The following CNBD1 variants were observed in gnomAD, a reference collection of about 807,000 sequenced individuals.
CNBD1 encodes cyclic nucleotide binding domain containing 1, also known as cyclic nucleotide-binding domain-containing protein 1.
A neutral mutation model predicts 54.4 loss-of-function variants in CNBD1; 71 were observed. The observed-to-expected ratio is 1.30, with a 90% CI of 1.08 to 1.59. The LOEUF (loss-of-function observed/expected upper bound fraction) is 1.59, where lower values mean the gene tolerates loss of function less well. Ranked by LOEUF, CNBD1 falls within the 40% of genes most tolerant of loss-of-function variation. CNBD1 has a pLI of 0.00. For synonymous variants in CNBD1, 182 were observed against 170.7 expected (o/e 1.07, Z -0.51); for missense variants, 659 against 518.0 (o/e 1.27, Z -2.64).
At chr8:87,348,293 A>G (rs950890052) in intron 8 of CNBD1, among the ~76,000 whole-genome samples, 1 of 152,184 alleles carries the variant, frequency 6.6e-6, no homozygotes, top group Non-Finnish European at 1.5e-5. Flanking sequence ...TACATTTTTA[A>G]TAATAAAGAA....
chr8:87,277,222 G>T (rs7845383), intron 6 of CNBD1, among the ~76,000 whole-genome samples: 35,613 of 151,480 alleles, frequency 0.24, 4,325 homozygotes, highest in South Asian at 0.28. Context: ...TATAGAGCCA[G>T]AAAGAGCTAA....
At chr8:86,880,580 A>G (rs1808592792) in intron 1 of CNBD1, among the ~76,000 whole-genome samples, 1 of 152,174 alleles carries the variant, frequency 6.6e-6, no homozygotes, top group African/African-American at 2.4e-5. Flanking sequence ...CCAACACCCC[A>G]TGGATATTGA....
At chr8:86,919,603 T>C (rs1809240074) in intron 3 of CNBD1, among the ~76,000 whole-genome samples, 1 of 152,216 alleles carries the variant, frequency 6.6e-6, no homozygotes, top group Non-Finnish European at 1.5e-5. Flanking sequence ...TCTGTTTGTT[T>C]ACACACAAAG....
chr8:87,161,495 A>T (rs1812856916), intron 4 of CNBD1, among the ~76,000 whole-genome samples: 1 of 152,156 alleles, frequency 6.6e-6, no homozygotes, highest in African/African-American at 2.4e-5. Flanking sequence ...TAATAAAATT[A>T]TAAAATATGG....
At chr8:86,942,792 G>A (rs1563831194) in intron 4 of CNBD1, among the ~76,000 whole-genome samples, 1 of 152,152 alleles carries the variant, frequency 6.6e-6, no homozygotes, top group Non-Finnish European at 1.5e-5. Context: ...GTCACATTTA[G>A]TAACATCATC....
At chr8:87,363,292 C>A (rs796117995) in intron 10 of CNBD1, among the ~76,000 whole-genome samples, 4 of 151,976 alleles carry the variant, frequency 2.6e-5, no homozygotes, top group East Asian at 1.9e-4. Flanking sequence ...GTGAACAGTG[C>A]CACAATAAAC....
At chr8:87,214,543 C>G (rs916669551) in intron 5 of CNBD1, among the ~76,000 whole-genome samples, 1 of 152,232 alleles carries the variant, frequency 6.6e-6, no homozygotes, top group Non-Finnish European at 1.5e-5. Context: ...ATCTTTTCCA[C>G]ATTTTCGGGT....
intron 4 of CNBD1, among the ~76,000 whole-genome samples, chr8:87,175,531 A>C (rs1813179404): frequency 6.6e-6 from 1 of 152,150 alleles, no homozygotes; most frequent in Non-Finnish European, 1.5e-5. Flanking sequence ...TTTGTCTAGA[A>C]ATGTCATCCA....
At chr8:87,101,628 T>C (rs1811430746) in intron 4 of CNBD1, among the ~76,000 whole-genome samples, 1 of 152,140 alleles carries the variant, frequency 6.6e-6, no homozygotes. Flanking sequence ...TGAATGGTTT[T>C]ATCTACCACA....
chr8:87,340,563 A>T (rs918237051), intron 8 of CNBD1, among the ~76,000 whole-genome samples: 5 of 152,058 alleles, frequency 3.3e-5, no homozygotes, highest in Admixed American at 6.6e-5. Flanking sequence ...GATATCCATA[A>T]ATCATTTAAT....
intron 10 of CNBD1, among the ~76,000 whole-genome samples, chr8:87,360,581 T>C (rs1225434576): frequency 6.6e-6 from 1 of 151,898 alleles, no homozygotes; most frequent in Non-Finnish European, 1.5e-5. Flanking sequence ...TGCAAGTCAA[T>C]ATAACTATTT....
intron 4 of CNBD1, among the ~76,000 whole-genome samples, chr8:87,106,975 C>G (rs1050733796): frequency 6.6e-6 from 1 of 151,946 alleles, no homozygotes; most frequent in African/African-American, 2.4e-5. Flanking sequence ...ATTACAGGCA[C>G]CCACCACCGT....
intron 4 of CNBD1, among the ~76,000 whole-genome samples, chr8:86,995,604 A>G (rs1808853232): frequency 6.6e-6 from 1 of 152,126 alleles, no homozygotes; most frequent in African/African-American, 2.4e-5. Flanking sequence ...AGATAGAGCA[A>G]AGCACAAGGA....
At chr8:87,273,220 A>C (rs116738172) in intron 6 of CNBD1, among the ~76,000 whole-genome samples, 1 of 152,000 alleles carries the variant, frequency 6.6e-6, no homozygotes, top group Admixed American at 6.6e-5. Context: ...TATTTTATTA[A>C]TTGGTTTAAT....
chr8:87,358,988 A>C (rs1438685093), intron 10 of CNBD1, among the ~76,000 whole-genome samples: 2 of 152,128 alleles, frequency 1.3e-5, no homozygotes, highest in Non-Finnish European at 2.9e-5. Context: ...TCCTTAATTC[A>C]TCTACTGATT....
chr8:87,287,307 A>G (rs1479402493), intron 8 of CNBD1, among the ~76,000 whole-genome samples: 2 of 152,162 alleles, frequency 1.3e-5, no homozygotes, highest in African/African-American at 2.4e-5. Flanking sequence ...TGCTAAACCA[A>G]GAGGAACTGT....
chr8:86,982,229 A>T (rs752625622), intron 4 of CNBD1, among the ~76,000 whole-genome samples: 1 of 152,020 alleles, frequency 6.6e-6, no homozygotes, highest in Non-Finnish European at 1.5e-5. Flanking sequence ...ACTTCTTTGT[A>T]TATCTTCTTC....
intron 6 of CNBD1, among the ~76,000 whole-genome samples, chr8:87,276,796 G>A (rs758655501): frequency 3.3e-5 from 5 of 151,584 alleles, no homozygotes; most frequent in Non-Finnish European, 7.4e-5. Context: ...TTTCCTTAGA[G>A]ACATCCAACA....
At chr8:87,260,311 G>A (rs1808109602) in intron 6 of CNBD1, among the ~76,000 whole-genome samples, 1 of 152,116 alleles carries the variant, frequency 6.6e-6, no homozygotes, top group Non-Finnish European at 1.5e-5. Flanking sequence ...AAACAAGATG[G>A]AGACCTCATC....
Sources: gnomAD v4.1 joint callset for allele counts (sites outside exome capture counted in the v4.1 genomes callset) on GRCh38, gnomAD v4.1.1 for gene constraint, MANE v1.5 for transcripts, NCBI Gene and HGNC (gene_info 2026-07-23, HGNC 2026-07-21) for gene names.